The following BBS1 variants were observed in gnomAD, a reference collection of about 807,000 sequenced individuals.
BBS1 encodes Bardet-Biedl syndrome 1, also known as BBSome complex member BBS1.
A neutral mutation model predicts 73.9 loss-of-function variants in BBS1; 60 were observed. The ratio of observed to expected loss-of-function variants is 0.81; its 90% confidence interval spans 0.66 to 1.01. The LOEUF is 1.01. Among genes scored for constraint, BBS1 ranks in the 50% least tolerant of loss-of-function variants. The pLI, the probability that BBS1 is intolerant of heterozygous loss-of-function variation, is 0.00. For synonymous variants in BBS1, 283 were observed against 317.4 expected (o/e 0.89, Z 1.15); for missense variants, 718 against 770.3 (o/e 0.93, Z 0.80).
In BBS1 at chr11:66,532,043, G is replaced by A. The variant is rs754355018; in HGVS notation, c.*6G>A. On this transcript the variant is annotated 3_prime_UTR_variant, in exon 17 of 17. Coordinates refer to ENST00000318312, the MANE Select transcript of BBS1 (RefSeq NM_024649.5). ...AGGGGCTGGCGGCCGCCTGAGACCT[G>A]AGCTGCTGTGAAAGCCCCTGCACAA... 6 of 1,598,612 alleles carry A rather than the reference G, an allele frequency of 3.8e-6. No homozygotes were observed. The Admixed American group carries it at 1.0e-4, about 28-fold the overall frequency.
chr11:66,524,218 T>G, intron 11 of BBS1: 1 of 371,616 alleles, frequency 2.7e-6, no homozygotes, highest in South Asian at 2.1e-5. Context: ...AGGCGGAGGT[T>G]GCAGTGAGCC....
At chr11:66,531,139 A>G (rs546886266) in intron 15 of BBS1, 111 bp downstream of exon 15, 1 of 1,462,846 alleles carries the variant, frequency 6.8e-7, no homozygotes, top group Non-Finnish European at 9.3e-7. Context: ...GGTGGCTGCC[A>G]GGTGGCCAGC....
rs11602834 is a variant in BBS1 at position 66,526,298 on chromosome 11, G to T, written c.1180+106G>T. ...GGAAATGAAGCATGGGTGGACCTGG[G>T]TGTGGAAAGTAAGGCCTACAGAAGT... On this transcript the variant is annotated intron_variant, in intron 12 of 16. Transcript: ENST00000318312. 5,386 of 1,186,506 alleles carry T rather than the reference G, an allele frequency of 4.5e-3. 22 individuals carry two copies. The highest frequency in any genetic ancestry group is 5.3e-3 in the Middle Eastern group (26 of 4,886). 73.5% of individuals were successfully genotyped at this position (1,186,506 alleles called of 1,614,324 possible).
rs146058699 is a variant in BBS1, at chr11:66,512,423, A to T, written c.159+1184A>T. Among the ~76,000 whole-genome samples, 332 of 152,248 alleles carry T rather than the reference A, an allele frequency of 2.2e-3. 2 individuals are homozygous for T. Among genetic ancestry groups the T allele is most frequent in the Non-Finnish European group, 3.8e-3 (259 of 68,018 alleles). ...AGTCCTGGAATCCCACCCCACACAG[A>T]GAGTGCAATAGGACTCAGTGGTTTT... On this transcript the variant is annotated intron_variant, in intron 3 of 16. Transcript: ENST00000318312.
rs757132669 is a variant in BBS1 at position 66,529,921 on chromosome 11, C to T, written c.1442C>T (p.Thr481Ile). 4.4e-6 allele frequency: 7 copies of T among 1,605,578 alleles called. No homozygotes were observed. Among genetic ancestry groups the T allele is most frequent in the Middle Eastern group, 1.7e-4 (1 of 6,056 alleles). The change falls in exon 14 of 17, where the codon ACA becomes ATA. Residue 481 changes from threonine (T) to isoleucine (I), a missense_variant. By Grantham distance (89) the Thr-to-Ile change is moderately conservative. Coordinates refer to ENST00000318312, the MANE Select transcript of BBS1 (RefSeq NM_024649.5). Reference sequence around the variant, plus strand: ...TCCAGCCTGAGCCCCCTGTCCACGACAGCCCGAGAGCCACTCAAGCTGCAC... The same window carrying T: ...TCCAGCCTGAGCCCCCTGTCCACGATAGCCCGAGAGCCACTCAAGCTGCAC... ...LESSLSPLST[T>I]AREPLKLHAV...
chr11:66,530,875 C>T lies in BBS1; in HGVS notation c.1474-19C>T, dbSNP rs755940643. The T allele has an allele frequency of 2.5e-6, 4 of 1,614,196 alleles. No individual in the cohort carries two copies. In the Admixed American group the frequency reaches 6.7e-5, roughly 27 times the overall value. On this transcript the variant is annotated intron_variant, in intron 14 of 16. Coordinates refer to ENST00000318312, the MANE Select transcript of BBS1 (RefSeq NM_024649.5). The stretch of plus-strand genomic sequence containing the variant: ...GGCTGCCAGGTCCTAAGGGCTTTCT[C>T]CACCCACCCTCTCCATAGGTTCAGG...
intron 11 of BBS1, 187 bp downstream of exon 11, chr11:66,524,069 A>G: frequency 2.5e-6 from 2 of 815,404 alleles, no homozygotes; most frequent in South Asian, 3.1e-5. Flanking sequence ...CACCTGAGGT[A>G]AGGAGTTCAA....
At chr11:66,520,022 T>C in intron 8 of BBS1, 1 of 371,064 alleles carries the variant, frequency 2.7e-6, no homozygotes, top group Non-Finnish European at 5.1e-6. Context: ...TAGCTGGGTG[T>C]GGTGGCCCAT....
chr11:66,520,655 C>T (rs767591599), intron 8 of BBS1: 44 of 164,000 alleles, frequency 2.7e-4, no homozygotes, highest in Non-Finnish European at 3.6e-4. Context: ...TACCCTGTCA[C>T]CTATTGTACA....
In BBS1 at chr11:66,514,410, T is replaced by C; in HGVS notation, c.164T>C (p.Val55Ala). Residue 55 changes from valine to alanine, a missense_variant, in exon 4 of 17, where the codon GTG (valine) becomes GCG (alanine). Coordinates refer to ENST00000318312, the MANE Select transcript of BBS1 (RefSeq NM_024649.5). ...DLHGDGEYKL[V>A]VGDLGPGGQQ... ...TGAGCCATCCTCTCCCTGCAGCTGG[T>C]GGTAGGGGACCTTGGCCCTGGTGGG... 6.2e-7 allele frequency: 1 copy of C among 1,614,084 alleles called. No individual in the cohort carries two copies. Among genetic ancestry groups the C allele is most frequent in the Non-Finnish European group, 8.5e-7 (1 of 1,180,030 alleles).
At chr11:66,521,204 T>TA in intron 8 of BBS1, 66 bp from the exon 9 acceptor site, 1 of 1,205,326 alleles carries the variant, frequency 8.3e-7, no homozygotes, top group East Asian at 2.3e-5. Flanking sequence ...TCAGAGGAGT[T>TA]ACTGACAGGG....
chr11:66,519,631 CA>C lies in BBS1; in HGVS notation c.607del (p.Met203Ter), dbSNP rs2134780429. 2 of 1,613,890 alleles carry C rather than the reference CA, an allele frequency of 1.2e-6. No homozygotes were observed. The highest frequency in any genetic ancestry group is 1.7e-6 in the Non-Finnish European group (2 of 1,179,918). The part of the protein sequence containing the change: ...SIKRQTVITT[M>X]TTLKKNLADE... ...TCCTTCTGTAGACAGTCATCACCAC[CA>C]TGACCACCTTGAAGAAGAACCTGGC... On this transcript the variant is annotated frameshift_variant, in exon 8 of 17. Transcript: ENST00000318312. LOFTEE classifies it high-confidence loss of function.
chr11:66,523,581 A>T lies in BBS1; in HGVS notation c.951+5A>T. 1 of 1,614,138 alleles carries T rather than the reference A, an allele frequency of 6.2e-7. No individual in the cohort carries two copies. The highest frequency in any genetic ancestry group is 8.5e-7 in the Non-Finnish European group (1 of 1,180,028). On this transcript the variant is annotated splice_donor_5th_base_variant and intron_variant, in intron 10 of 16. Coordinates refer to ENST00000318312, the MANE Select transcript of BBS1 (RefSeq NM_024649.5). Reference sequence around the variant, plus strand: ...CTGCATGGCTTCACCCACAAGGTGCAGCCCCCAGCAAGCAGCAGCCCCTCC... The same window carrying T: ...CTGCATGGCTTCACCCACAAGGTGCTGCCCCCAGCAAGCAGCAGCCCCTCC...
At chr11:66,515,461 T>C (rs1279735937) in intron 4 of BBS1, 79 bp from the exon 5 acceptor site, 1 of 1,465,364 alleles carries the variant, frequency 6.8e-7, no homozygotes, top group Non-Finnish European at 9.6e-7. Context: ...CCCCTAGAAG[T>C]GTGGAGCTGT....
chr11:66,518,454 C>CT (rs1295351522), intron 7 of BBS1, among the ~76,000 whole-genome samples: 422 of 133,570 alleles, frequency 3.2e-3, no homozygotes, highest in African/African-American at 7.0e-3. Context: ...GATGAGGTTT[C>CT]TTTTTTTTTT....
rs1318619121 is a variant in BBS1 at position 66,532,005 on chromosome 11, A to G, written c.1750A>G (p.Met584Val). 3 of 1,608,316 alleles carry G rather than the reference A, an allele frequency of 1.9e-6. No individual in the cohort carries two copies. The highest frequency in any genetic ancestry group is 2.5e-6 in the Non-Finnish European group (3 of 1,178,038). ...ACCCCTGCTGAGTGCCCACGTCAAC[A>G]TGCCTGGGAGCGAGGGGCTGGCGGC... ...SAPLLSAHVN[M>V]PGSEGLAAA is the part of the protein sequence containing the mutation. The change falls in exon 17 of 17, where the codon ATG becomes GTG. Residue 584 changes from methionine to valine, a missense_variant. Physicochemically the swap from Met to Val is conservative, Grantham distance 21. Coordinates refer to ENST00000318312, the MANE Select transcript of BBS1 (RefSeq NM_024649.5).
rs1186732112 is a variant in BBS1 at position 66,532,415 on chromosome 11, G to C, written c.*378G>C. 1 of 215,522 alleles carries C rather than the reference G, an allele frequency of 4.6e-6. No individual in the cohort carries two copies. Among genetic ancestry groups the C allele is most frequent in the Admixed American group, 5.1e-5 (1 of 19,656 alleles). The allele number at this position is 215,522 out of a possible 1,614,324, so 13.4% of individuals were successfully genotyped here. A position where few individuals can be genotyped will look rare whatever the true frequency, so the allele number is the denominator to read the frequency against. On this transcript the variant is annotated 3_prime_UTR_variant, in exon 17 of 17. Transcript: ENST00000318312. ...CCCTCATGCACATCACTCATCTCCT[G>C]CTGCAGGCCAAGGCCAAAATTGGGC...
At chr11:66,531,089 A>G (rs571138679) in intron 15 of BBS1, 61 bp downstream of exon 15, 5 of 1,603,548 alleles carry the variant, frequency 3.1e-6, no homozygotes, top group Non-Finnish European at 4.3e-6. Context: ...GCCTGATGAG[A>G]TGCCCACAGA....
intron 7 of BBS1, among the ~76,000 whole-genome samples, chr11:66,516,938 G>A (rs897737737): frequency 4.6e-5 from 7 of 152,008 alleles, no homozygotes; most frequent in Non-Finnish European, 8.8e-5. Flanking sequence ...GGTGGCTCAC[G>A]CCTGTAATCC....
Sources: gnomAD v4.1 joint callset for allele counts (sites outside exome capture counted in the v4.1 genomes callset) on GRCh38, gnomAD v4.1.1 for gene constraint, MANE v1.5 for transcripts, NCBI Gene and HGNC (gene_info 2026-07-23, HGNC 2026-07-21) for gene names.